The following MYLK3 variants were observed in gnomAD, a reference collection of about 807,000 sequenced individuals.
MYLK3 encodes MLC kinase.
MYLK3 carries 55 observed loss-of-function variants against 76.3 expected under a neutral mutation model. The observed-to-expected ratio is 0.72, with a 90% CI of 0.58 to 0.90. The LOEUF (loss-of-function observed/expected upper bound fraction) is 0.90. Ranked by LOEUF, MYLK3 falls within the 40% of genes least tolerant of loss-of-function variation. The pLI, the probability that MYLK3 is intolerant of heterozygous loss-of-function variation, is 0.00. For synonymous variants in MYLK3, 416 were observed against 425.4 expected (o/e 0.98, Z 0.27); for missense variants, 973 against 1,053.6 (o/e 0.92, Z 1.06).
intron 1 of MYLK3, among the ~76,000 whole-genome samples, chr16:46,762,494 C>T (rs1291480709): frequency 5.9e-5 from 9 of 152,098 alleles, no homozygotes; most frequent in East Asian, 1.9e-4. Flanking sequence ...CCCCAGCTGA[C>T]GGAAAACATT....
intron 12 of MYLK3, among the ~76,000 whole-genome samples, chr16:46,708,969 T>C (rs1324494322): frequency 6.6e-6 from 1 of 152,248 alleles, no homozygotes; most frequent in African/African-American, 2.4e-5. Flanking sequence ...TAAGCTTCAT[T>C]CTGTCACTTC....
At chr16:46,738,847 T>G (rs150241110) in intron 2 of MYLK3, among the ~76,000 whole-genome samples, 39 of 152,252 alleles carry the variant, frequency 2.6e-4, no homozygotes, top group African/African-American at 8.4e-4. Flanking sequence ...TTTTATTTGT[T>G]TTTTATTTTT....
chr16:46,711,395 C>A (rs1196720088), intron 10 of MYLK3, among the ~76,000 whole-genome samples: 1 of 152,164 alleles, frequency 6.6e-6, no homozygotes, highest in African/African-American at 2.4e-5. Context: ...ACGGGAAGTC[C>A]ACAGCCAGAC....
intron 8 of MYLK3, among the ~76,000 whole-genome samples, chr16:46,722,315 T>G (rs1160584009): frequency 6.6e-6 from 1 of 152,142 alleles, no homozygotes; most frequent in Non-Finnish European, 1.5e-5. Flanking sequence ...AGACTCAATG[T>G]CTCCATACGT....
chr16:46,756,945 T>C (rs1596780260), intron 1 of MYLK3, among the ~76,000 whole-genome samples: 1 of 152,114 alleles, frequency 6.6e-6, no homozygotes, highest in East Asian at 1.9e-4. Flanking sequence ...AAGGCAGCAA[T>C]GTGCTTGCTC....
At chr16:46,746,445 G>C (rs1019663907) in intron 1 of MYLK3, among the ~76,000 whole-genome samples, 2 of 152,034 alleles carry the variant, frequency 1.3e-5, no homozygotes, top group African/African-American at 4.8e-5. Flanking sequence ...TTAAGAGACA[G>C]GGCCTCACTC....
intron 1 of MYLK3, among the ~76,000 whole-genome samples, chr16:46,742,227 G>GA (rs34652691): frequency 0.57 from 85,460 of 149,162 alleles, 25,338 homozygotes; most frequent in South Asian, 0.72. Flanking sequence ...AAACTCACTA[G>GA]AAAAAAAAAA....
chr16:46,752,837 G>A (rs770135440), upstream of MYLK3, among the ~76,000 whole-genome samples: 2 of 152,100 alleles, frequency 1.3e-5, no homozygotes, highest in Non-Finnish European at 2.9e-5. Flanking sequence ...CAGCAATGGA[G>A]ACACTGTACT....
intron 3 of MYLK3, among the ~76,000 whole-genome samples, chr16:46,734,912 C>T (rs913358634): frequency 1.3e-5 from 2 of 152,104 alleles, no homozygotes; most frequent in Non-Finnish European, 2.9e-5. Flanking sequence ...GAGGCTGAGG[C>T]AGGAGGATCA....
At chr16:46,744,189 T>A (rs1358156000) in intron 1 of MYLK3, among the ~76,000 whole-genome samples, 1 of 151,890 alleles carries the variant, frequency 6.6e-6, no homozygotes, top group Non-Finnish European at 1.5e-5. Flanking sequence ...CACGCCACCA[T>A]GCCCGGCTAA....
At chr16:46,739,344 A>G (rs963537649) in intron 2 of MYLK3, among the ~76,000 whole-genome samples, 1 of 152,348 alleles carries the variant, frequency 6.6e-6, no homozygotes, top group South Asian at 2.1e-4. Flanking sequence ...CCACATAAAT[A>G]TCATGCAAAA....
Position 46,748,010 on chromosome 16 carries a change from G to A in MYLK3, c.184C>T (p.Arg62Trp), listed in dbSNP as rs200653944. ...SMCRDMGHLE[R>W]GLHRLEASRA... ...GAGGCCTCCAGCCTGTGCAGGCCCC[G>A]CTCCAGGTGGCCCATGTCTCGGCAC... is the stretch of plus-strand genomic sequence containing the variant. Residue 62 changes from arginine to tryptophan, a missense_variant, in exon 1 of 13, where the codon CGG becomes TGG. This residue lies in a region of MYLK3 where 641 missense variants were observed against 637.0 expected (regional missense o/e 1.01). Coordinates refer to ENST00000394809, the MANE Select transcript of MYLK3 (RefSeq NM_182493.3). The surrounding 1 kb of genome is among the most constrained non-coding windows in gnomAD (Gnocchi z 4.3). 88 of 1,613,720 alleles carry A rather than the reference G, an allele frequency of 5.5e-5. No individual in the cohort carries two copies. In the African/African-American group the frequency reaches 7.2e-4, roughly 13 times the overall value.
upstream of MYLK3, among the ~76,000 whole-genome samples, chr16:46,748,811 CG>C (rs1179972515): frequency 6.6e-6 from 1 of 152,238 alleles, no homozygotes; most frequent in African/African-American, 2.4e-5. The surrounding 1 kb of genome is among the most constrained non-coding windows in gnomAD (Gnocchi z 4.3). Flanking sequence ...ACTACACCAG[CG>C]TTCAGAACAT....
intron 10 of MYLK3, among the ~76,000 whole-genome samples, chr16:46,711,161 T>G (rs1238273781): frequency 6.6e-6 from 1 of 152,166 alleles, no homozygotes; most frequent in Non-Finnish European, 1.5e-5. Context: ...CAGCCAGGCT[T>G]ATTTAGATGC....
chr16:46,747,763 C>G lies in MYLK3; in HGVS notation c.431G>C (p.Gly144Ala), dbSNP rs748112632. ...GCTGCCTCTCCTCCAGGGCACACGC[C>G]CCTGCATGAGGAAATCCGCCACCTT... ...KSKVADFLMQ[G>A]RVPWRRGSPG... The change falls in exon 1 of 13, where the codon GGG (glycine) becomes GCG (alanine). Residue 144 changes from glycine to alanine, a missense_variant. Gly to Ala is a moderately conservative substitution (Grantham distance 60). This residue lies in a region of MYLK3 where 641 missense variants were observed against 637.0 expected (regional missense o/e 1.01). Transcript: ENST00000394809. 1 of 1,614,200 alleles carries G rather than the reference C, an allele frequency of 6.2e-7. No homozygotes were observed. Among genetic ancestry groups the G allele is most frequent in the East Asian group, 2.2e-5 (1 of 44,880 alleles).
chr16:46,732,246 C>T lies in MYLK3; in HGVS notation c.1424G>A (p.Arg475Lys), dbSNP rs1966853874. ...RAPVRAEAVR[R>K]MPPGAEAGSV... ...GCCAGCCTCGGCGCCTGGGGGCATC[C>T]TCCTTACTGCTTCAGCTCTCACCGG... Residue 475 changes from arginine to lysine, a missense_variant, in exon 4 of 13, where the codon AGG becomes AAG. Around this residue, in one of 2 missense-constraint regions of MYLK3, gnomAD observed 641 missense variants for 637.0 expected, o/e 1.01. Coordinates refer to ENST00000394809, the MANE Select transcript of MYLK3 (RefSeq NM_182493.3). 1 of 1,597,572 alleles carries T rather than the reference C, an allele frequency of 6.3e-7. No homozygotes were observed. Among genetic ancestry groups the T allele is most frequent in the Admixed American group, 1.7e-5 (1 of 59,708 alleles).
At chr16:46,758,973 A>C (rs1302996972) in intron 1 of MYLK3, among the ~76,000 whole-genome samples, 1 of 152,220 alleles carries the variant, frequency 6.6e-6, no homozygotes, top group East Asian at 1.9e-4. Context: ...CTGGCCATAC[A>C]GAAAGATGAT....
chr16:46,749,166 A>G (rs1682665123), upstream of MYLK3, among the ~76,000 whole-genome samples: 1 of 152,246 alleles, frequency 6.6e-6, no homozygotes, highest in Admixed American at 6.5e-5. Flanking sequence ...TCAGTCAATA[A>G]AGCAGACACA....
intron 10 of MYLK3, chr16:46,711,682 C>G: frequency 2.3e-6 from 1 of 425,786 alleles, no homozygotes; most frequent in Non-Finnish European, 4.7e-6. Context: ...TGTACCAAAG[C>G]ACCTGCATGT....
Sources: allele counts gnomAD v4.1 joint callset (sites outside exome capture counted in the v4.1 genomes callset), GRCh38; gene constraint gnomAD v4.1.1; regional missense constraint gnomAD v4.1.1; non-coding constraint Gnocchi (gnomAD v3.1); transcripts MANE v1.5; gene names NCBI Gene and HGNC (gene_info 2026-07-23, HGNC 2026-07-21).